ATP10A: variants seen among roughly 807,000 people sequenced by gnomAD.
The protein encoded by ATP10A is phospholipid-transporting ATPase VA.
A neutral mutation model predicts 147.8 loss-of-function variants in ATP10A; 111 were observed. The ratio of observed to expected loss-of-function variants is 0.75; its 90% confidence interval spans 0.64 to 0.88. The LOEUF is 0.88. ATP10A is among the 40% of genes least tolerant of loss of function. The pLI is 0.00. For missense variants in ATP10A, 1,927 were observed against 1,959.0 expected (o/e 0.98, Z 0.31); for synonymous variants, 875 against 841.6 (o/e 1.04, Z -0.69).
intron 1 of ATP10A, among the ~76,000 whole-genome samples, chr15:25,850,629 C>T (rs1893246783): frequency 6.8e-6 from 1 of 147,536 alleles, no homozygotes; most frequent in South Asian, 2.1e-4. Flanking sequence ...CTGCTCCATT[C>T]TCCCTCCCTC....
intron 2 of ATP10A, among the ~76,000 whole-genome samples, chr15:25,768,188 G>A (rs930773009): frequency 7.2e-5 from 11 of 152,202 alleles, no homozygotes; most frequent in Admixed American, 1.3e-4. Flanking sequence ...GACACAGCAC[G>A]CGAGCAGCTG....
intron 13 of ATP10A, among the ~76,000 whole-genome samples, chr15:25,700,037 C>G (rs1290282394): frequency 6.6e-6 from 1 of 152,022 alleles, no homozygotes; most frequent in Admixed American, 6.6e-5. Flanking sequence ...ATTCTCAAAA[C>G]TGAACATTAA....
In ATP10A at chr15:25,713,713, C is replaced by G; in HGVS notation, c.2305G>C (p.Asp769His). The G allele has an allele frequency of 6.2e-7, 1 of 1,614,090 alleles. No homozygotes were observed. The highest frequency in any genetic ancestry group is 8.5e-7 in the Non-Finnish European group (1 of 1,180,008). Residue 769 changes from aspartate to histidine, a missense_variant, in exon 10 of 21, where the codon GAC (aspartate) becomes CAC (histidine). Asp to His is a moderately conservative substitution (Grantham distance 81). Coordinates refer to ENST00000555815, the MANE Select transcript of ATP10A (RefSeq NM_024490.4). ...DEINVYTKGA[D>H]SVVMDLLQPC... ...TGCAGGAGATCCATGACCACTGAGT[C>G]GGCCCCCTTGGTGTAGACGTTGATC...
intron 2 of ATP10A, among the ~76,000 whole-genome samples, chr15:25,768,140 G>A (rs1889126005): frequency 6.6e-6 from 1 of 152,118 alleles, no homozygotes; most frequent in African/African-American, 2.4e-5. Context: ...CCCAAGTGCT[G>A]GGCCGGCATG....
rs1337102538 is a variant in ATP10A at position 25,778,692 on chromosome 15, G to A, written c.654+2327C>T. ...TTCCTGGGGCCCTGAGAAGGGTGAC[G>A]TAGATGTGTTGGTCTGCAGCCGTCC... On this transcript the variant is annotated intron_variant, in intron 2 of 20. Coordinates refer to ENST00000555815, the MANE Select transcript of ATP10A (RefSeq NM_024490.4). 1.2e-4 allele frequency among the ~76,000 whole-genome samples: 19 copies of A among 152,216 alleles called. 2 individuals carry two copies. The East Asian group carries it at 1.9e-3, about 15-fold the overall frequency.
chr15:25,696,380 G>A (rs2140327718), intron 13 of ATP10A, among the ~76,000 whole-genome samples: 1 of 152,302 alleles, frequency 6.6e-6, no homozygotes, highest in Non-Finnish European at 1.5e-5. Context: ...TTGCTTCCAG[G>A]GCATGGGGTG....
intron 1 of ATP10A, among the ~76,000 whole-genome samples, chr15:25,817,381 C>A (rs1366745139): frequency 6.6e-6 from 1 of 152,128 alleles, no homozygotes; most frequent in Non-Finnish European, 1.5e-5. Flanking sequence ...CCGCACCCAG[C>A]CTCTCTCTCT....
chr15:25,767,514 T>C (rs1287212974), intron 2 of ATP10A, among the ~76,000 whole-genome samples: 3 of 152,320 alleles, frequency 2.0e-5, no homozygotes, highest in East Asian at 1.9e-4. Context: ...GGTGAGCCCA[T>C]TGACCTGTCC....
chr15:25,793,736 T>A (rs1259962420), intron 1 of ATP10A, among the ~76,000 whole-genome samples: 6 of 152,228 alleles, frequency 3.9e-5, no homozygotes, highest in Non-Finnish European at 8.8e-5. Flanking sequence ...TGTGGGCACA[T>A]AACTTCCCCC....
At chr15:25,737,816 C>A (rs772116226) in intron 2 of ATP10A, among the ~76,000 whole-genome samples, 9 of 152,162 alleles carry the variant, frequency 5.9e-5, no homozygotes, top group African/African-American at 2.2e-4. Flanking sequence ...ACATGACTGG[C>A]GGCCTTATAC....
chr15:25,736,244 C>T (rs76763121), intron 2 of ATP10A, 103 bp from the exon 3 acceptor site: 69,187 of 870,362 alleles, frequency 0.079, 3,268 homozygotes, highest in Admixed American at 0.11. Flanking sequence ...GCACATTTCA[C>T]GGGGGAAGAA....
intron 1 of ATP10A, among the ~76,000 whole-genome samples, chr15:25,835,704 C>T (rs1281454886): frequency 2.0e-5 from 3 of 152,244 alleles, no homozygotes; most frequent in Admixed American, 2.0e-4. Context: ...ACTATCATTG[C>T]TCACTGAACC....
At chr15:25,784,468 A>G (rs893906307) in intron 1 of ATP10A, among the ~76,000 whole-genome samples, 1 of 152,206 alleles carries the variant, frequency 6.6e-6, no homozygotes, top group Non-Finnish European at 1.5e-5. Context: ...TTTAAAATAG[A>G]AACTTCAGGG....
At chr15:25,774,259 C>T (rs1004953457) in intron 2 of ATP10A, among the ~76,000 whole-genome samples, 18 of 152,164 alleles carry the variant, frequency 1.2e-4, no homozygotes, top group Admixed American at 2.6e-4. Context: ...TTATTATCAA[C>T]TTCATGGCAT....
In ATP10A at chr15:25,695,106, A is replaced by ACGTAG. The variant is rs769824834; in HGVS notation, c.2796_2800dup (p.Val934AlafsTer19). On this transcript the variant is annotated frameshift_variant, in exon 14 of 21. Coordinates refer to ENST00000555815, the MANE Select transcript of ATP10A (RefSeq NM_024490.4). LOFTEE classifies it high-confidence loss of function. ...GGCTCTCTGGAGGCCTCTGGACTGC[A>ACGTAG]CGTAGCATAGGCACTGGTCTAGCAG... is the stretch of plus-strand genomic sequence containing the variant. 6.2e-7 allele frequency: 1 copy of ACGTAG among 1,614,112 alleles called. No homozygotes were observed. The highest frequency in any genetic ancestry group is 8.5e-7 in the Non-Finnish European group (1 of 1,180,002).
At chr15:25,839,263 A>G (rs1279432886) in intron 1 of ATP10A, among the ~76,000 whole-genome samples, 1 of 152,232 alleles carries the variant, frequency 6.6e-6, no homozygotes, top group Non-Finnish European at 1.5e-5. Flanking sequence ...CAAATTGCTC[A>G]TAACTACAAG....
chr15:25,721,976 C>G, intron 6 of ATP10A, 67 bp from the exon 7 acceptor site: 1 of 1,501,142 alleles, frequency 6.7e-7, no homozygotes, highest in Non-Finnish European at 9.1e-7. Flanking sequence ...TTACTCAAAT[C>G]TATTTAAATA....
chr15:25,811,470 G>A (rs768163739), intron 1 of ATP10A, among the ~76,000 whole-genome samples: 1 of 152,164 alleles, frequency 6.6e-6, no homozygotes, highest in Non-Finnish European at 1.5e-5. Context: ...CATGCTAGAA[G>A]CCTTCCAATG....
Position 25,763,495 on chromosome 15 carries a change from C to T in ATP10A, c.654+17524G>A, listed in dbSNP as rs1034752817. On this transcript the variant is annotated intron_variant, in intron 2 of 20. Coordinates refer to ENST00000555815, the MANE Select transcript of ATP10A (RefSeq NM_024490.4). ...GAAGGATGCCTCTGAGAGGCTTCCA[C>T]GCACATGAGTGTTAATTTCATGTGT... Among the ~76,000 whole-genome samples, 5 of 152,302 alleles carry T rather than the reference C, an allele frequency of 3.3e-5. No homozygotes were observed. The East Asian group carries it at 7.7e-4, about 24-fold the overall frequency.
Sources: gnomAD v4.1 joint callset for allele counts (sites outside exome capture counted in the v4.1 genomes callset) on GRCh38, gnomAD v4.1.1 for gene constraint, MANE v1.5 for transcripts, NCBI Gene and HGNC (gene_info 2026-07-23, HGNC 2026-07-21) for gene names.